Variants in ZNF444 observed in about 807,000 individuals in gnomAD.
ZNF444 encodes the protein endothelial zinc finger protein 2.
A neutral mutation model predicts 14.4 loss-of-function variants in ZNF444; 8 were observed. The ratio of observed to expected loss-of-function variants is 0.56; its 90% CI spans 0.33 to 1.00. ZNF444 has a LOEUF of 1.00. Among genes scored for constraint, ZNF444 ranks in the 50% least tolerant of loss-of-function variants. The probability of loss-of-function intolerance (pLI) is 0.03; values close to 1 mark genes in which losing one functional copy is unlikely to be tolerated. For missense variants in ZNF444, 510 were observed against 504.8 expected (o/e 1.01, Z -0.10); for synonymous variants, 258 against 235.9 (o/e 1.09, Z -0.86).
At chr19:56,159,475 A>G (rs2032130578) in intron 4 of ZNF444, 149 bp from the exon 5 acceptor site, 1 of 613,598 alleles carries the variant, frequency 1.6e-6, no homozygotes, top group East Asian at 3.2e-5. Context: ...ACCGGGACAC[A>G]GGTATGAATA....
At chr19:56,159,322 T>C (rs2032116483) in intron 4 of ZNF444, among the ~76,000 whole-genome samples, 1 of 150,720 alleles carries the variant, frequency 6.6e-6, no homozygotes, top group African/African-American at 2.5e-5. Context: ...TGTACATTCA[T>C]CCATCCATCA....
chr19:56,150,588 G>A (rs2031515942), intron 3 of ZNF444: 2 of 440,192 alleles, frequency 4.5e-6, no homozygotes, highest in Non-Finnish European at 9.1e-6. Context: ...CTCTCTCTCT[G>A]GCACATGATA....
chr19:56,149,807 C>T (rs957660967), intron 3 of ZNF444: 18 of 152,414 alleles, frequency 1.2e-4, no homozygotes, highest in African/African-American at 4.3e-4. Context: ...CTGCAAAGGA[C>T]ATGAACTCAT....
In ZNF444 at chr19:56,145,407, G is replaced by A. The variant is rs145894516; in HGVS notation, c.-196-840G>A. On this transcript the variant is annotated intron_variant, in intron 1 of 4. Transcript: ENST00000337080. The surrounding 1 kb of genome is among the most constrained non-coding windows in gnomAD (Gnocchi z 4.3). Reference sequence around the variant, plus strand: ...TTGAGACCAGTCTGGCCAACCTGGCGAAACCCCGTCTCTACTAAAAATACA... The same window carrying A: ...TTGAGACCAGTCTGGCCAACCTGGCAAAACCCCGTCTCTACTAAAAATACA... Among the ~76,000 whole-genome samples, 4,960 of 152,214 alleles carry A rather than the reference G, an allele frequency of 0.033. 87 individuals carry two copies. The highest frequency in any genetic ancestry group is 0.039 in the South Asian group (190 of 4,820).
chr19:56,160,207 TC>T lies in ZNF444; in HGVS notation c.*9del. On this transcript the variant is annotated 3_prime_UTR_variant, in exon 5 of 5. Coordinates refer to ENST00000337080, the MANE Select transcript of ZNF444 (RefSeq NM_018337.4). ...CGCCCTGGCCCTTGGGTTAGCCGCCTCCCGGCCAGCGCCATCTCCCGCCCTT... is the reference window on the plus strand; with the variant it reads ...CGCCCTGGCCCTTGGGTTAGCCGCCTCCGGCCAGCGCCATCTCCCGCCCTT... 1 of 1,435,656 alleles carries T rather than the reference TC, an allele frequency of 7.0e-7. No homozygotes were observed. The highest frequency in any genetic ancestry group is 1.4e-5 in the South Asian group (1 of 69,772). 88.9% of individuals were successfully genotyped at this position (1,435,656 alleles called of 1,614,324 possible).
chr19:56,143,084 CACAG>C (rs1822968734), intron 1 of ZNF444, among the ~76,000 whole-genome samples: 1 of 152,196 alleles, frequency 6.6e-6, no homozygotes, highest in South Asian at 2.1e-4. Flanking sequence ...GCTTTGCGGA[CACAG>C]ACAGCTAGAC....
At chr19:56,137,237 G>A (rs1401469189), upstream of ZNF444, among the ~76,000 whole-genome samples, 7 of 151,058 alleles carry the variant, frequency 4.6e-5, no homozygotes, top group Middle Eastern at 3.2e-3. Flanking sequence ...TTGGGAGGCC[G>A]AGGCGGGCGG....
At chr19:56,154,081 T>C (rs1484705908) in intron 3 of ZNF444, among the ~76,000 whole-genome samples, 3 of 152,188 alleles carry the variant, frequency 2.0e-5, no homozygotes, top group Admixed American at 6.5e-5. Flanking sequence ...GAGAACACCG[T>C]GTTCAACGTA....
At chr19:56,152,979 T>C (rs1323410703) in intron 3 of ZNF444, among the ~76,000 whole-genome samples, 1 of 152,172 alleles carries the variant, frequency 6.6e-6, no homozygotes, top group Non-Finnish European at 1.5e-5. Flanking sequence ...CAGACTGGGT[T>C]GTTTTCTTGC....
chr19:56,158,306 G>T (rs532862519), intron 3 of ZNF444, 188 bp from the exon 4 acceptor site: 2 of 519,100 alleles, frequency 3.9e-6, no homozygotes, highest in Non-Finnish European at 6.7e-6. Flanking sequence ...CCCTGGCAGG[G>T]GGTTGGCAGG....
chr19:56,148,173 C>A (rs183514015), intron 3 of ZNF444, among the ~76,000 whole-genome samples: 52 of 152,352 alleles, frequency 3.4e-4, no homozygotes, highest in African/African-American at 1.2e-3. Context: ...GGCACTCTCC[C>A]ATGGCTGGTG....
Position 56,146,897 on chromosome 19 carries a change from G to T in ZNF444, c.-15G>T. On this transcript the variant is annotated 5_prime_UTR_variant, in exon 3 of 5. Transcript: ENST00000337080. Reference sequence around the variant, plus strand: ...CCGGCTTGTTCCCTGCAGGCGCTGCGGTCCGGGAGGCCCCATGGAGGTGGC... The same window carrying T: ...CCGGCTTGTTCCCTGCAGGCGCTGCTGTCCGGGAGGCCCCATGGAGGTGGC... 2 of 1,396,924 alleles carry T rather than the reference G, an allele frequency of 1.4e-6. No individual in the cohort carries two copies. Among genetic ancestry groups the T allele is most frequent in the South Asian group, 1.6e-5 (1 of 62,268 alleles). 86.5% of individuals were successfully genotyped at this position (1,396,924 alleles called of 1,614,324 possible).
chr19:56,152,482 TG>T lies in ZNF444; in HGVS notation c.297+5275del, dbSNP rs1432126269. 2.2e-4 allele frequency among the ~76,000 whole-genome samples: 30 copies of T among 136,322 alleles called. No homozygotes were observed. The East Asian group carries it at 5.5e-3, about 25-fold the overall frequency. 89.4% of individuals were successfully genotyped at this position (136,322 alleles called of 152,430 possible). A position where few individuals can be genotyped will look rare whatever the true frequency, so the allele number is the denominator to read the frequency against. On this transcript the variant is annotated intron_variant, in intron 3 of 4. Coordinates refer to ENST00000337080, the MANE Select transcript of ZNF444 (RefSeq NM_018337.4). Reference sequence around the variant, plus strand: ...GACATTTGGGTTGATTCCAGGGTTTTGTTTTTTTTTTTTTTTTAATAGAGCT... The same window carrying T: ...GACATTTGGGTTGATTCCAGGGTTTTTTTTTTTTTTTTTTTTAATAGAGCT...
intron 4 of ZNF444, among the ~76,000 whole-genome samples, 193 bp from the exon 5 acceptor site, chr19:56,159,431 T>C (rs1051374597): frequency 6.6e-6 from 1 of 152,116 alleles, no homozygotes; most frequent in Non-Finnish European, 1.5e-5. Context: ...CTATTATGTA[T>C]TGGGCATTGA....
rs557241453 is a variant in ZNF444, at chr19:56,147,948, C to T, written c.297+740C>T. Among the ~76,000 whole-genome samples the T allele has an allele frequency of 6.6e-6, 1 of 152,310 alleles. No individual in the cohort carries two copies. ...ACCCACTCATGTCACCTGGGGCTGACACTTGCCACCGTGATGACCACAGAG... is the reference window on the plus strand; with the variant it reads ...ACCCACTCATGTCACCTGGGGCTGATACTTGCCACCGTGATGACCACAGAG... On this transcript the variant is annotated intron_variant, in intron 3 of 4. Coordinates refer to ENST00000337080, the MANE Select transcript of ZNF444 (RefSeq NM_018337.4). This position sits in a 1 kb window ranked among gnomAD's most constrained non-coding sequence, Gnocchi z 5.9.
At position 56,147,301 on chromosome 19, in the gene ZNF444, G is replaced by C; in HGVS notation, c.297+93G>C. On this transcript the variant is annotated intron_variant, in intron 3 of 4. Transcript: ENST00000337080. The surrounding 1 kb of genome is among the most constrained non-coding windows in gnomAD (Gnocchi z 5.9). The stretch of plus-strand genomic sequence containing the variant: ...CAGGGAGGAGCACCACTGAACCCCT[G>C]AAAACCAGTGTGACTCGCGGTGGGG... The C allele has an allele frequency of 3.7e-6, 5 of 1,334,622 alleles. No homozygotes were observed. The highest frequency in any genetic ancestry group is 4.8e-6 in the Non-Finnish European group (5 of 1,034,854). The allele number at this position is 1,334,622 out of a possible 1,614,324, so 82.7% of individuals were successfully genotyped here.
At position 56,144,116 on chromosome 19, in the gene ZNF444, C is replaced by T. The variant is rs1426529819; in HGVS notation, c.-196-2131C>T. On this transcript the variant is annotated intron_variant, in intron 1 of 4. Transcript: ENST00000337080. The surrounding 1 kb of genome is among the most constrained non-coding windows in gnomAD (Gnocchi z 4.0). ...TTGAGTCCAGCAGTTTGAGACCAGC[C>T]TGGGCAATATAGTGAGACCCTGTCT... 6.6e-6 allele frequency among the ~76,000 whole-genome samples: 1 copy of T among 152,028 alleles called. No homozygotes were observed. Among genetic ancestry groups the T allele is most frequent in the Non-Finnish European group, 1.5e-5 (1 of 68,022 alleles).
At chr19:56,156,890 C>T (rs2031942363) in intron 3 of ZNF444, 1 of 152,298 alleles carries the variant, frequency 6.6e-6, no homozygotes, top group Non-Finnish European at 1.5e-5. Context: ...TGGCCAGCGT[C>T]CCCTGTCTCT....
upstream of ZNF444, among the ~76,000 whole-genome samples, chr19:56,140,800 G>C (rs1332425748): frequency 1.3e-5 from 2 of 151,974 alleles, no homozygotes; most frequent in African/African-American, 4.8e-5. Flanking sequence ...CTAGAGCTCC[G>C]GAGGCCCCAC....
Sources: allele counts gnomAD v4.1 joint callset (sites outside exome capture counted in the v4.1 genomes callset), GRCh38; gene constraint gnomAD v4.1.1; non-coding constraint Gnocchi (gnomAD v3.1); transcripts MANE v1.5; gene names NCBI Gene and HGNC (gene_info 2026-07-23, HGNC 2026-07-21).